RORA: variants seen among roughly 807,000 people sequenced by gnomAD.
The protein encoded by RORA is nuclear receptor ROR-alpha.
A neutral mutation model predicts 69.5 loss-of-function variants in RORA; 7 were observed. The ratio of observed to expected loss-of-function variants is 0.10; its 90% CI spans 0.06 to 0.19. The LOEUF (loss-of-function observed/expected upper bound fraction) is 0.19, where lower values mean the gene tolerates loss of function less well. Ranked by LOEUF, RORA falls within the 10% of genes least tolerant of loss-of-function variation. The probability of loss-of-function intolerance (pLI) is 1.00; values close to 1 mark genes in which losing one functional copy is unlikely to be tolerated. For synonymous variants in RORA, 261 were observed against 240.8 expected, an observed-to-expected ratio of 1.08 and a Z score of -0.78; for missense variants, 457 against 663.0, an observed-to-expected ratio of 0.69 and a Z score of 3.41.
intron 1 of RORA, among the ~76,000 whole-genome samples, chr15:60,917,257 C>T (rs918434105): frequency 1.3e-5 from 2 of 152,158 alleles, no homozygotes; most frequent in African/African-American, 4.8e-5. Flanking sequence ...CTTTTTCCTC[C>T]CATCTGGTTA....
intron 1 of RORA, among the ~76,000 whole-genome samples, chr15:61,054,318 A>G (rs1435944934): frequency 1.2e-5 from 1 of 86,496 alleles, no homozygotes; most frequent in Admixed American, 1.1e-4. Flanking sequence ...CATTTTCTGA[A>G]AAAAAAAAAA....
At chr15:60,592,485 C>G in intron 2 of RORA, 1 of 1,341,700 alleles carries the variant, frequency 7.5e-7, no homozygotes, top group Non-Finnish European at 9.6e-7. Flanking sequence ...CTGCCGCCGC[C>G]GCGCCGCCGC....
intron 1 of RORA, among the ~76,000 whole-genome samples, chr15:60,701,436 G>T (rs981578813): frequency 1.3e-5 from 2 of 152,170 alleles, no homozygotes; most frequent in African/African-American, 4.8e-5. Flanking sequence ...TATCTCACAG[G>T]ATCTCACAGA....
intron 1 of RORA, among the ~76,000 whole-genome samples, chr15:60,981,289 T>C (rs1894037871): frequency 2.0e-5 from 3 of 152,146 alleles, no homozygotes; most frequent in African/African-American, 7.2e-5. Context: ...TCAGTGCAGA[T>C]CTATTCTAGT....
chr15:61,225,562 C>A (rs900823931), intron 1 of RORA, among the ~76,000 whole-genome samples: 2 of 152,140 alleles, frequency 1.3e-5, no homozygotes, highest in African/African-American at 2.4e-5. Flanking sequence ...CCCAACTGAG[C>A]TTTTCACTGT....
intron 1 of RORA, among the ~76,000 whole-genome samples, chr15:60,931,859 T>A (rs1355743828): frequency 1.3e-5 from 2 of 152,204 alleles, no homozygotes; most frequent in African/African-American, 4.8e-5. Context: ...TCCAGCTAAA[T>A]ATTGATTCCT....
At position 60,779,209 on chromosome 15, in the gene RORA, T is replaced by C. The variant is rs1486648655; in HGVS notation, c.167-100523A>G. Among the ~76,000 whole-genome samples the C allele has an allele frequency of 3.3e-5, 5 of 152,198 alleles. No homozygotes were observed. In the South Asian group the frequency reaches 1.0e-3, roughly 32 times the overall value. On this transcript the variant is annotated intron_variant, in intron 1 of 10. Coordinates refer to ENST00000335670, the MANE Select transcript of RORA (RefSeq NM_134261.3). ...GACTTTTCTCATTCACAAAAATTAA[T>C]GAAAACCCGTCCTAGGAACCCAAGG...
chr15:60,660,634 AACAGTT>A (rs1219539779), intron 2 of RORA, among the ~76,000 whole-genome samples: 1 of 152,190 alleles, frequency 6.6e-6, no homozygotes, highest in Non-Finnish European at 1.5e-5. Flanking sequence ...AAGGGAGGTG[AACAGTT>A]TCTCCATTCA....
intron 1 of RORA, among the ~76,000 whole-genome samples, chr15:61,197,223 G>T (rs976801387): frequency 3.3e-5 from 5 of 152,210 alleles, no homozygotes; most frequent in African/African-American, 1.2e-4. Context: ...TCCCTACATG[G>T]CAATAAAGGC....
At chr15:61,204,237 G>A (rs1397933099) in intron 1 of RORA, among the ~76,000 whole-genome samples, 3 of 152,236 alleles carry the variant, frequency 2.0e-5, no homozygotes, top group African/African-American at 7.2e-5. Flanking sequence ...AGCAAGTGAG[G>A]ACTGTGAACT....
chr15:61,145,900 G>A (rs1299157517), intron 1 of RORA, among the ~76,000 whole-genome samples: 2 of 152,122 alleles, frequency 1.3e-5, no homozygotes, highest in African/African-American at 4.8e-5. Flanking sequence ...GAATCCCACA[G>A]AAAGAGACCC....
intron 1 of RORA, among the ~76,000 whole-genome samples, chr15:60,742,589 C>G (rs1023446417): frequency 1.3e-5 from 2 of 152,290 alleles, no homozygotes; most frequent in East Asian, 3.9e-4. Flanking sequence ...ACTTATTCCT[C>G]CCGTCTAATT....
At position 60,905,341 on chromosome 15, in the gene RORA, T is replaced by A. The variant is rs996328580; in HGVS notation, c.167-226655A>T. Among the ~76,000 whole-genome samples, 2 of 152,236 alleles carry A rather than the reference T, an allele frequency of 1.3e-5. No individual in the cohort carries two copies. Among genetic ancestry groups the A allele is most frequent in the African/African-American group, 4.8e-5 (2 of 41,456 alleles). On this transcript the variant is annotated intron_variant, in intron 1 of 10. Coordinates refer to ENST00000335670, the MANE Select transcript of RORA (RefSeq NM_134261.3). The surrounding 1 kb of genome is among the most constrained non-coding windows in gnomAD (Gnocchi z 4.8). ...ATCGTTATATGAGTGCAAAGCATGATGATAAAATATGCAATTCTTAAGAAA... is the reference window on the plus strand; with the variant it reads ...ATCGTTATATGAGTGCAAAGCATGAAGATAAAATATGCAATTCTTAAGAAA...
At chr15:61,037,742 T>G (rs1329525414) in intron 1 of RORA, among the ~76,000 whole-genome samples, 1 of 151,954 alleles carries the variant, frequency 6.6e-6, no homozygotes, top group African/African-American at 2.4e-5. Flanking sequence ...CATAATCTAG[T>G]GGGAAAAAGA....
chr15:61,204,265 T>C (rs1407445370), intron 1 of RORA, among the ~76,000 whole-genome samples: 2 of 152,236 alleles, frequency 1.3e-5, no homozygotes, highest in Non-Finnish European at 2.9e-5. Flanking sequence ...AGCAGGACCC[T>C]CGTCTGTCTT....
intron 1 of RORA, among the ~76,000 whole-genome samples, chr15:61,037,837 A>T (rs1595903266): frequency 6.6e-6 from 1 of 152,204 alleles, no homozygotes; most frequent in East Asian, 1.9e-4. Context: ...CAGAGTAAGT[A>T]GTAATTAACT....
At chr15:61,011,641 A>C (rs760600358) in intron 1 of RORA, among the ~76,000 whole-genome samples, 3 of 152,160 alleles carry the variant, frequency 2.0e-5, no homozygotes, top group Non-Finnish European at 4.4e-5. Context: ...GGAACATAAA[A>C]AGTATTAGCT....
intron 1 of RORA, among the ~76,000 whole-genome samples, chr15:60,791,712 C>G (rs931256603): frequency 6.6e-6 from 1 of 152,150 alleles, no homozygotes; most frequent in East Asian, 1.9e-4. Context: ...GGACCCAATA[C>G]GAAGAAGCAG....
intron 1 of RORA, among the ~76,000 whole-genome samples, chr15:60,823,110 TTCTCTCTCTC>T (rs143703146): frequency 1.4e-5 from 1 of 73,552 alleles, no homozygotes; most frequent in South Asian, 6.8e-4. Flanking sequence ...ATTCTTCTCT[TTCTCTCTCTC>T]TCTCTCTCTC....
Sources: gnomAD v4.1 joint callset for allele counts (sites outside exome capture counted in the v4.1 genomes callset) on GRCh38, gnomAD v4.1.1 for gene constraint, Gnocchi (gnomAD v3.1) non-coding constraint, MANE v1.5 for transcripts, NCBI Gene and HGNC (gene_info 2026-07-23, HGNC 2026-07-21) for gene names.